SAMD11: variants seen among roughly 807,000 people sequenced by gnomAD.
The protein encoded by SAMD11 is sterile alpha motif domain-containing protein 11.
In SAMD11, 77 loss-of-function variants were observed where a neutral mutation model predicts 64.4. The observed-to-expected ratio is 1.20, with a 90% CI of 0.99 to 1.44. The LOEUF (loss-of-function observed/expected upper bound fraction) is 1.44, where lower values mean the gene tolerates loss of function less well. Among genes scored for constraint, SAMD11 ranks in the 40% most tolerant of loss-of-function variants. The pLI is 0.00. For missense variants in SAMD11, 1,402 were observed against 943.3 expected, an observed-to-expected ratio of 1.49 and a Z score of -6.37; for synonymous variants, 658 against 421.9, an observed-to-expected ratio of 1.56 and a Z score of -6.86.
chr1:935,764 T>C lies in SAMD11; in HGVS notation c.843-8T>C. On this transcript the variant is annotated splice_region_variant and splice_polypyrimidine_tract_variant and intron_variant, in intron 4 of 13. Coordinates refer to ENST00000616016, the MANE Select transcript of SAMD11 (RefSeq NM_001385641.1). ...ACGGGGTCAGCTTTTCCCGGTCTCG[T>C]TCTGCAGCCAGGACGGCAACCTTCC... 1 of 1,613,172 alleles carries C rather than the reference T, an allele frequency of 6.2e-7. No homozygotes were observed. Among genetic ancestry groups the C allele is most frequent in the Non-Finnish European group, 8.5e-7 (1 of 1,179,702 alleles).
chr1:939,563 A>G, intron 7 of SAMD11, 151 bp downstream of exon 7: 2 of 812,714 alleles, frequency 2.5e-6, no homozygotes, highest in East Asian at 3.2e-5. Context: ...GCCAGGCTGG[A>G]TGCAGGTCCC....
rs552305601 is a variant in SAMD11, at chr1:940,296, G to GCCCCCCCCCCCCCC, written c.1196-836_1196-835insCCCCCCCCCCCCCC. The GCCCCCCCCCCCCCC allele has an allele frequency of 3.0e-4, 39 of 131,458 alleles. 4 individuals carry two copies. The highest frequency in any genetic ancestry group is 4.8e-4 in the Admixed American group (6 of 12,462). The allele number at this position is 131,458 out of a possible 1,614,324, so 8.1% of individuals were successfully genotyped here. A position where few individuals can be genotyped will look rare whatever the true frequency, so the allele number is the denominator to read the frequency against. On this transcript the variant is annotated intron_variant, in intron 7 of 13. Coordinates refer to ENST00000616016, the MANE Select transcript of SAMD11 (RefSeq NM_001385641.1). Reference sequence around the variant, plus strand: ...GCGCTGTCAATCAGGCCGCGCCGCCGCCCCCCCCCCCCGCCCCGCCGCGGA... The same window carrying GCCCCCCCCCCCCCC: ...GCGCTGTCAATCAGGCCGCGCCGCCGCCCCCCCCCCCCCCCCCCCCCCCCCCGCCCCGCCGCGGA...
At chr1:930,988 G>A in intron 3 of SAMD11, 51 bp from the exon 4 acceptor site, 1 of 1,576,332 alleles carries the variant, frequency 6.3e-7, no homozygotes, top group Non-Finnish European at 8.7e-7. Flanking sequence ...TCCTGAGGCT[G>A]GGGTCAGGGG....
intron 4 of SAMD11, among the ~76,000 whole-genome samples, chr1:932,267 G>T (rs1400912450): frequency 6.6e-6 from 1 of 152,094 alleles, no homozygotes; most frequent in Non-Finnish European, 1.5e-5. Context: ...CGGTCCCCCC[G>T]ACCCCGCTCC....
intron 4 of SAMD11, among the ~76,000 whole-genome samples, chr1:932,023 C>T (rs190693779): frequency 4.1e-4 from 62 of 152,344 alleles, no homozygotes; most frequent in Non-Finnish European, 6.6e-4. Context: ...AGGGGACCTG[C>T]GTGTCTTGGC....
rs977384679 is a variant in SAMD11, at chr1:944,468, ACTTCAGCAGCCCACAGCTGTGGGG to A, written c.*327_*350del. The A allele has an allele frequency of 2.7e-5, 20 of 747,842 alleles. No homozygotes were observed. The highest frequency in any genetic ancestry group is 1.3e-4 in the African/African-American group (7 of 54,816). 46.3% of individuals were successfully genotyped at this position (747,842 alleles called of 1,614,324 possible). ...CAGGGTCAGCTCCCCCGCGGAGCTG[ACTTCAGCAGCCCACAGCTGTGGGG>A]CTTCAGCAGCCACACCAGCCCAGCC... On this transcript the variant is annotated 3_prime_UTR_variant, in exon 14 of 14. Transcript: ENST00000616016.
intron 11 of SAMD11, 33 bp downstream of exon 11, chr1:943,091 G>A: frequency 1.9e-6 from 3 of 1,549,912 alleles, no homozygotes; most frequent in Middle Eastern, 1.7e-4. Flanking sequence ...TCCTTCCAGA[G>A]GGCACAGGAC....
In SAMD11 at chr1:941,207, C is replaced by T. The variant is rs780082868; in HGVS notation, c.1259C>T (p.Ala420Val). The change falls in exon 8 of 14, where the codon GCC becomes GTC. Residue 420 changes from alanine to valine, a missense_variant. Transcript: ENST00000616016. ...AALRGPSGLE[A>V]HLPSSTAGQR... ...CTGAGGGGCCCCAGTGGCCTGGAAG[C>T]CCACCTGCCCTCCTCCACGGCAGGT... 2 of 1,601,146 alleles carry T rather than the reference C, an allele frequency of 1.2e-6. No individual in the cohort carries two copies. The highest frequency in any genetic ancestry group is 1.7e-6 in the Non-Finnish European group (2 of 1,174,670).
At position 942,841 on chromosome 1, in the gene SAMD11, G is replaced by C; in HGVS notation, c.1836G>C (p.Glu612Asp). 6.4e-7 allele frequency: 1 copy of C among 1,551,510 alleles called. No homozygotes were observed. Among genetic ancestry groups the C allele is most frequent in the Non-Finnish European group, 8.7e-7 (1 of 1,147,646 alleles). ...CAGCGCGGCCCAGCGAGTCCAAGGA[G>C]ATGACGGGGGCTAGGCTCTGGGCAC... ...PASARPSESK[E>D]MTGARLWAQD... Residue 612 changes from glutamate to aspartate, a missense_variant, in exon 11 of 14, where the codon GAG becomes GAC. Physicochemically the swap from Glu to Asp is conservative, Grantham distance 45. Coordinates refer to ENST00000616016, the MANE Select transcript of SAMD11 (RefSeq NM_001385641.1).
At chr1:933,403 TGCCCAGCC>T (rs1641260367) in intron 4 of SAMD11, among the ~76,000 whole-genome samples, 1 of 152,134 alleles carries the variant, frequency 6.6e-6, no homozygotes, top group Non-Finnish European at 1.5e-5. Flanking sequence ...CAGGTGCCAC[TGCCCAGCC>T]ACAGCCCCTC....
rs1341822878 is a variant in SAMD11, at chr1:931,143, T to TCCCTCCCA, written c.842+57_842+58insTCCCACCC. ...GGGGGCCGTGACTCCCCTCCCTCCC[T>TCCCTCCCA]CCCACCCCTGACCGTGCCCTGCTGT... On this transcript the variant is annotated intron_variant, in intron 4 of 13. Transcript: ENST00000616016. 3.4e-4 allele frequency: 365 copies of TCCCTCCCA among 1,083,000 alleles called. 1 individual carries two copies. The highest frequency in any genetic ancestry group is 4.2e-4 in the Non-Finnish European group (344 of 823,620). 67.1% of individuals were successfully genotyped at this position (1,083,000 alleles called of 1,614,324 possible). A position where few individuals can be genotyped will look rare whatever the true frequency, so the allele number is the denominator to read the frequency against.
chr1:930,075 C>G lies in SAMD11; in HGVS notation c.610-80C>G, dbSNP rs547574052. The stretch of plus-strand genomic sequence containing the variant: ...CAGACCCCCGGGAGATGGAACGGCC[C>G]GGTCCAGCCCCACCTTCCTCTCCTC... On this transcript the variant is annotated intron_variant, in intron 2 of 13. Coordinates refer to ENST00000616016, the MANE Select transcript of SAMD11 (RefSeq NM_001385641.1). 3,851 of 1,460,824 alleles carry G rather than the reference C, an allele frequency of 2.6e-3. 5 individuals carry two copies. Among genetic ancestry groups the G allele is most frequent in the Middle Eastern group, 0.01 (42 of 4,080 alleles). The allele number at this position is 1,460,824 out of a possible 1,614,324, so 90.5% of individuals were successfully genotyped here.
At chr1:936,551 G>A (rs867227410) in intron 5 of SAMD11, among the ~76,000 whole-genome samples, 26 of 152,128 alleles carry the variant, frequency 1.7e-4, no homozygotes, top group African/African-American at 3.4e-4. Flanking sequence ...CCCCTCAGAG[G>A]GCACTGCTGT....
intron 1 of SAMD11, among the ~76,000 whole-genome samples, chr1:925,397 C>T (rs1355082312): frequency 1.1e-5 from 1 of 89,472 alleles, no homozygotes; most frequent in Admixed American, 1.2e-4. Context: ...CGCCAGGTCA[C>T]ACAACCTGTT....
rs148891889 is a variant in SAMD11, at chr1:928,371, A to T, written c.610-1784A>T. ...TGTGCCACCGCACTCCAGCCTGGGC[A>T]ACAGAGTGAGACTCCGTCTCAAAAA... On this transcript the variant is annotated intron_variant, in intron 2 of 13. Transcript: ENST00000616016. 3.9e-5 allele frequency among the ~76,000 whole-genome samples: 6 copies of T among 152,232 alleles called. No individual in the cohort carries two copies. The East Asian group carries it at 1.2e-3, about 29-fold the overall frequency.
chr1:936,941 G>A (rs990656730), intron 5 of SAMD11, among the ~76,000 whole-genome samples: 1 of 152,194 alleles, frequency 6.6e-6, no homozygotes, highest in African/African-American at 2.4e-5. Context: ...TCAGGTACAC[G>A]CGTGTGCGTG....
intron 2 of SAMD11, among the ~76,000 whole-genome samples, chr1:928,210 G>A (rs61769724): frequency 0.084 from 12,733 of 151,266 alleles, 587 homozygotes; most frequent in Non-Finnish European, 0.11. Context: ...TGACTAACAC[G>A]GTGAAACCCG....
chr1:943,721 C>G lies in SAMD11; in HGVS notation c.2202C>G (p.Asp734Glu). The G allele has an allele frequency of 6.3e-7, 1 of 1,595,390 alleles. No individual in the cohort carries two copies. The highest frequency in any genetic ancestry group is 8.6e-7 in the Non-Finnish European group (1 of 1,169,380). ...AGGTCTTCAGGGAGCAGGGGATCGA[C>G]GGGGAGACCCTGCCACTGCTGACGG... ...YTRVFREQGI[D>E]GETLPLLTEE... The change falls in exon 13 of 14, where the codon GAC (aspartate) becomes GAG (glutamate). Residue 734 changes from aspartate (D) to glutamate (E), a missense_variant. By Grantham distance (45) the Asp-to-Glu change is conservative. Coordinates refer to ENST00000616016, the MANE Select transcript of SAMD11 (RefSeq NM_001385641.1).
At position 943,790 on chromosome 1, in the gene SAMD11, C is replaced by T. The variant is rs1277955803; in HGVS notation, c.2271C>T (p.Ala757=). 4 of 1,612,594 alleles carry T rather than the reference C, an allele frequency of 2.5e-6. No homozygotes were observed. Among genetic ancestry groups the T allele is most frequent in the East Asian group, 4.5e-5 (2 of 44,872 alleles). ...ACATGGGGCTGAAGCTGGGGCCCGC[C>T]CTCAAGATCCGGGCCCAGGTGAGAC... ...LTNMGLKLGP[A]LKIRAQVARR... is the part of the protein sequence containing the mutation. Residue 757 remains alanine, a synonymous_variant, in exon 13 of 14, where the codon GCC becomes GCT. Coordinates refer to ENST00000616016, the MANE Select transcript of SAMD11 (RefSeq NM_001385641.1).
Sources: allele counts gnomAD v4.1 joint callset (sites outside exome capture counted in the v4.1 genomes callset), GRCh38; gene constraint gnomAD v4.1.1; transcripts MANE v1.5; gene names NCBI Gene and HGNC (gene_info 2026-07-23, HGNC 2026-07-21).